CSPP1: variants seen among roughly 807,000 people sequenced by gnomAD.
CSPP1 encodes centrosome and spindle pole-associated protein 1.
Under a neutral mutation model 164.4 loss-of-function variants are expected in CSPP1, and 126 were observed. The ratio of observed to expected loss-of-function variants is 0.77; its 90% CI spans 0.66 to 0.89. CSPP1 has a LOEUF of 0.89. Among genes scored for constraint, CSPP1 ranks in the 40% least tolerant of loss-of-function variants. The pLI is 0.00. For synonymous variants in CSPP1, 472 were observed against 476.7 expected, an observed-to-expected ratio of 0.99 and a Z score of 0.13; for missense variants, 1,395 against 1,449.8, an observed-to-expected ratio of 0.96 and a Z score of 0.61.
chr8:67,105,042 T>TTC (rs1815188110), intron 8 of CSPP1, among the ~76,000 whole-genome samples: 1 of 144,832 alleles, frequency 6.9e-6, no homozygotes, highest in African/African-American at 2.6e-5. Flanking sequence ...TTTTTTTTTT[T>TTC]CGAGACAGAG....
chr8:67,118,661 C>A, intron 14 of CSPP1, 82 bp from the exon 15 acceptor site: 1 of 989,712 alleles, frequency 1.0e-6, no homozygotes, highest in Non-Finnish European at 1.5e-6. Flanking sequence ...TGATTATGCA[C>A]CTTTTTCTGG....
chr8:67,099,839 G>A (rs1000083426), intron 7 of CSPP1, among the ~76,000 whole-genome samples: 4 of 152,004 alleles, frequency 2.6e-5, no homozygotes, highest in African/African-American at 9.7e-5. Flanking sequence ...TAGAGAATAA[G>A]GTGGCTAACT....
At chr8:67,110,498 G>C (rs1490113585) in intron 9 of CSPP1, among the ~76,000 whole-genome samples, 1 of 151,786 alleles carries the variant, frequency 6.6e-6, no homozygotes. Flanking sequence ...TTAGTTTGTT[G>C]CCAGGCCAAA....
rs374258267 is a variant in CSPP1, at chr8:67,111,217, ATCT to A, written c.1094-751_1094-749del. On this transcript the variant is annotated intron_variant, in intron 9 of 30. Transcript: ENST00000678616. ...GGCATTAACATATGCAATAATAATA[ATCT>A]TCTCTGCATTCAAAATTTTTGATTA... 3.6e-4 allele frequency among the ~76,000 whole-genome samples: 55 copies of A among 152,338 alleles called. No individual in the cohort carries two copies. The East Asian group carries it at 0.01, about 29-fold the overall frequency.
In CSPP1 at chr8:67,167,833, G is replaced by T. The variant is rs547358292; in HGVS notation, c.2828+3325G>T. Among the ~76,000 whole-genome samples the T allele has an allele frequency of 3.9e-5, 6 of 152,102 alleles. No homozygotes were observed. The East Asian group carries it at 9.8e-4, about 25-fold the overall frequency. On this transcript the variant is annotated intron_variant, in intron 24 of 30. Coordinates refer to ENST00000678616, the MANE Select transcript of CSPP1 (RefSeq NM_001382391.1). ...CCAGACTGGGCAGCCGGGCAGAGGG[G>T]CTCCTCACATCCCAGACGATGGGTG...
intron 4 of CSPP1, among the ~76,000 whole-genome samples, chr8:67,087,485 A>G (rs997033446): frequency 2.6e-5 from 4 of 152,220 alleles, no homozygotes; most frequent in Non-Finnish European, 5.9e-5. Context: ...GGTAACTACA[A>G]GAAGGATATA....
At chr8:67,178,074 G>A (rs1832116741) in intron 27 of CSPP1, among the ~76,000 whole-genome samples, 1 of 152,118 alleles carries the variant, frequency 6.6e-6, no homozygotes, top group Non-Finnish European at 1.5e-5. Flanking sequence ...AGACAGGCCT[G>A]GCATATAAGT....
Position 67,118,728 on chromosome 8 carries a change from T to TGTTTTTTC in CSPP1, c.1619-14_1619-7dup. On this transcript the variant is annotated splice_polypyrimidine_tract_variant and intron_variant, in intron 14 of 30. Coordinates refer to ENST00000678616, the MANE Select transcript of CSPP1 (RefSeq NM_001382391.1). ...TCTAAATAAACTTTTTTTGTTTTTTTGTTTTTTCTTTAAGATGGTTCAGGA... is the reference window on the plus strand; with the variant it reads ...TCTAAATAAACTTTTTTTGTTTTTTTGTTTTTTCGTTTTTTCTTTAAGATGGTTCAGGA... The TGTTTTTTC allele has an allele frequency of 6.4e-7, 1 of 1,572,050 alleles. No individual in the cohort carries two copies. Among genetic ancestry groups the TGTTTTTTC allele is most frequent in the South Asian group, 1.2e-5 (1 of 83,296 alleles).
intron 23 of CSPP1, 111 bp downstream of exon 23, chr8:67,163,909 TG>T: frequency 1.3e-6 from 1 of 778,460 alleles, no homozygotes; most frequent in Non-Finnish European, 2.1e-6. Flanking sequence ...AGCGGTTAGG[TG>T]CTGTGTACCC....
intron 9 of CSPP1, among the ~76,000 whole-genome samples, 165 bp downstream of exon 9, chr8:67,106,140 GCT>G (rs1409944959): frequency 6.6e-6 from 1 of 151,852 alleles, no homozygotes; most frequent in African/African-American, 2.4e-5. Flanking sequence ...AACATATATA[GCT>G]CTGTATAATT....
intron 17 of CSPP1, among the ~76,000 whole-genome samples, chr8:67,143,242 TCA>T (rs1380420249): frequency 2.6e-5 from 4 of 152,082 alleles, no homozygotes. Context: ...TTTGCCCGTA[TCA>T]GAGTCTCTTG....
chr8:67,136,930 G>T (rs1351752861), intron 16 of CSPP1, among the ~76,000 whole-genome samples: 2 of 151,952 alleles, frequency 1.3e-5, no homozygotes, highest in Admixed American at 6.6e-5. Context: ...GTCATTTGGT[G>T]TATATAGAGG....
intron 3 of CSPP1, among the ~76,000 whole-genome samples, chr8:67,085,023 GTCA>G (rs1810090744): frequency 6.6e-6 from 1 of 152,108 alleles, no homozygotes. Flanking sequence ...AAGTTGTACA[GTCA>G]TCATTGTCAT....
At chr8:67,151,152 G>A (rs990699117) in intron 18 of CSPP1, among the ~76,000 whole-genome samples, 3 of 152,104 alleles carry the variant, frequency 2.0e-5, no homozygotes, top group South Asian at 2.1e-4. Flanking sequence ...ATTATTTACC[G>A]TTTTCATGGG....
chr8:67,094,458 G>C (rs967640859), intron 6 of CSPP1, among the ~76,000 whole-genome samples: 1 of 151,684 alleles, frequency 6.6e-6, no homozygotes, highest in Non-Finnish European at 1.5e-5. Flanking sequence ...ATTTTTAGTA[G>C]AGTTGGGGTT....
At chr8:67,171,638 C>T (rs763473762) in intron 24 of CSPP1, among the ~76,000 whole-genome samples, 3 of 151,864 alleles carry the variant, frequency 2.0e-5, no homozygotes, top group Non-Finnish European at 4.4e-5. Flanking sequence ...GCCTCCTCCT[C>T]CTGGGTTCAA....
chr8:67,118,778 T>C lies in CSPP1; in HGVS notation c.1654T>C (p.Tyr552His), dbSNP rs1323951709. Residue 552 changes from tyrosine (Y) to histidine (H), a missense_variant, in exon 15 of 31, where the codon TAT becomes CAT. Physicochemically the swap from Tyr to His is moderately conservative, Grantham distance 83 (BLOSUM62 2). Transcript: ENST00000678616. The stretch of plus-strand genomic sequence containing the variant: ...AATGATGGGCGTACAGCCTGCAGCT[T>C]ATGTTAGTGCTCCTGTCACCCACCA... Reference protein sequence around the residue: ...SGMMGVQPAAYVSAPVTHQLA... With the variant: ...SGMMGVQPAAHVSAPVTHQLA... 1.2e-6 allele frequency: 2 copies of C among 1,613,148 alleles called. No individual in the cohort carries two copies. The highest frequency in any genetic ancestry group is 8.5e-7 in the Non-Finnish European group (1 of 1,179,194).
At chr8:67,172,291 T>C (rs1476289407) in intron 24 of CSPP1, 125 bp from the exon 25 acceptor site, 4 of 687,316 alleles carry the variant, frequency 5.8e-6, no homozygotes, top group African/African-American at 5.4e-5. Context: ...ACAGCACCTG[T>C]CCTAGAGTAA....
chr8:67,129,696 A>T (rs1336080792), intron 15 of CSPP1, among the ~76,000 whole-genome samples: 2 of 152,212 alleles, frequency 1.3e-5, no homozygotes, highest in African/African-American at 4.8e-5. Flanking sequence ...GTAATGAACT[A>T]CTGATATGAT....
Sources: allele counts gnomAD v4.1 joint callset (sites outside exome capture counted in the v4.1 genomes callset), GRCh38; gene constraint gnomAD v4.1.1; transcripts MANE v1.5; gene names NCBI Gene and HGNC (gene_info 2026-07-23, HGNC 2026-07-21).